The following DLG5 variants were observed in gnomAD, a reference collection of about 807,000 sequenced individuals.
DLG5 encodes discs large MAGUK scaffold protein 5.
Under a neutral mutation model 189.8 loss-of-function variants are expected in DLG5, and 48 were observed. The ratio of observed to expected loss-of-function variants is 0.25; its 90% confidence interval spans 0.20 to 0.32. The LOEUF is 0.32. DLG5 is among the 10% of genes least tolerant of loss of function. The pLI is 1.00. For missense variants in DLG5, 2,160 were observed against 2,544.7 expected (o/e 0.85, Z 3.25); for synonymous variants, 1,016 against 1,054.1 (o/e 0.96, Z 0.70).
chr10:77,920,524 T>G (rs889607357), intron 1 of DLG5, among the ~76,000 whole-genome samples: 1 of 152,170 alleles, frequency 6.6e-6, no homozygotes, highest in Non-Finnish European at 1.5e-5. Flanking sequence ...AAAACCCACA[T>G]AGTGTTGGAA....
intron 27 of DLG5, 111 bp downstream of exon 27, chr10:77,805,554 G>T (rs1307925946): frequency 1.6e-6 from 2 of 1,262,882 alleles, no homozygotes; most frequent in South Asian, 1.5e-5. Flanking sequence ...TCAGACTTGC[G>T]CACAAAAGCA....
intron 26 of DLG5, 44 bp downstream of exon 26, chr10:77,806,714 G>C: frequency 7.0e-7 from 1 of 1,419,474 alleles, no homozygotes; most frequent in South Asian, 1.2e-5. Flanking sequence ...GGTGGCCCTC[G>C]GCGACCCCTG....
chr10:77,812,242 G>A lies in DLG5; in HGVS notation c.4161C>T (p.Gly1387=), dbSNP rs1320643797. Residue 1387 remains glycine, a synonymous_variant, in exon 21 of 32, where the codon GGC becomes GGT. Transcript: ENST00000372391. ...CCAGTAACTGATCCCCATACTCGAG[G>A]CCAGCCTGGTGAGCGATGCTCCCCA... ...VTVGSIAHQA[G]LEYGDQLLEF... is the part of the protein sequence containing the mutation. The A allele has an allele frequency of 1.2e-6, 2 of 1,613,804 alleles. No homozygotes were observed. The highest frequency in any genetic ancestry group is 1.7e-6 in the Non-Finnish European group (2 of 1,179,876).
At chr10:77,881,379 A>T (rs1469910731) in intron 1 of DLG5, among the ~76,000 whole-genome samples, 9 of 152,144 alleles carry the variant, frequency 5.9e-5, no homozygotes, top group Non-Finnish European at 1.2e-4. Flanking sequence ...CAGGCATGCT[A>T]TCTCGTGGCC....
chr10:77,844,228 C>T (rs1197792855), intron 5 of DLG5, among the ~76,000 whole-genome samples: 1 of 152,090 alleles, frequency 6.6e-6, no homozygotes, highest in African/African-American at 2.4e-5. Flanking sequence ...CTCTAATGGG[C>T]CTCCGTGGAG....
intron 1 of DLG5, among the ~76,000 whole-genome samples, chr10:77,902,047 G>A (rs1311031895): frequency 3.9e-5 from 6 of 152,200 alleles, no homozygotes; most frequent in Admixed American, 2.6e-4. Flanking sequence ...CCTCTCACTC[G>A]CTGCCACCGA....
Position 77,883,979 on chromosome 10 carries a change from G to A in DLG5, c.305-14782C>T, listed in dbSNP as rs536342271. On this transcript the variant is annotated intron_variant, in intron 1 of 31. Coordinates refer to ENST00000372391, the MANE Select transcript of DLG5 (RefSeq NM_004747.4). The stretch of plus-strand genomic sequence containing the variant: ...CTCCCAAAGTTCTGGGATTACAGGC[G>A]TGAGCCATCACGCCTGGCCTGAAGT... 1.0e-3 allele frequency among the ~76,000 whole-genome samples: 152 copies of A among 152,316 alleles called. 1 individual carries two copies. The Middle Eastern group carries it at 0.024, about 24-fold the overall frequency.
At chr10:77,914,165 T>C (rs1846298419) in intron 1 of DLG5, among the ~76,000 whole-genome samples, 1 of 152,194 alleles carries the variant, frequency 6.6e-6, no homozygotes, top group Non-Finnish European at 1.5e-5. Flanking sequence ...TCCTTAAAAA[T>C]GTGGGCTTCA....
At chr10:77,869,021 G>C in intron 2 of DLG5, 108 bp downstream of exon 2, 1 of 859,426 alleles carries the variant, frequency 1.2e-6, no homozygotes. Context: ...GATCCTGTGA[G>C]TAATCTGACA....
intron 2 of DLG5, 35 bp downstream of exon 2, chr10:77,869,094 C>G (rs369917197): frequency 1.2e-6 from 2 of 1,600,258 alleles, no homozygotes; most frequent in Non-Finnish European, 1.7e-6. Flanking sequence ...AGACCCCTGG[C>G]CCACCCGGTG....
At chr10:77,910,391 T>A (rs1035639425) in intron 1 of DLG5, among the ~76,000 whole-genome samples, 2 of 152,154 alleles carry the variant, frequency 1.3e-5, no homozygotes, top group Non-Finnish European at 2.9e-5. Flanking sequence ...GATAAAAGAT[T>A]TTTTTCATTG....
At chr10:77,934,363 C>G in the DLG5 span, among the ~76,000 whole-genome samples, 2 of 125,506 alleles carry the variant, frequency 1.6e-5, no homozygotes, top group African/African-American at 6.0e-5. Flanking sequence ...AAGAGTGAAA[C>G]TCCATCTCAA....
intron 5 of DLG5, among the ~76,000 whole-genome samples, chr10:77,851,968 G>A (rs866977666): frequency 9.2e-5 from 14 of 152,220 alleles, no homozygotes; most frequent in African/African-American, 3.4e-4. Context: ...GAGAAGGCAT[G>A]GGGTGGAAGA....
chr10:77,817,856 C>G lies in DLG5; in HGVS notation c.3705G>C (p.Leu1235=). The G allele has an allele frequency of 6.4e-7, 1 of 1,553,174 alleles. No individual in the cohort carries two copies. Among genetic ancestry groups the G allele is most frequent in the South Asian group, 1.2e-5 (1 of 84,132 alleles). Residue 1235 remains leucine (L), a synonymous_variant, in exon 18 of 32, where the codon CTG becomes CTC. Coordinates refer to ENST00000372391, the MANE Select transcript of DLG5 (RefSeq NM_004747.4). ...AGTAGTCGCTGCAGGTCCTGTGGCT[C>G]AGGTCCAGGCTCAGGCGTCCCTGGT... ...VQHQGRLSLD[L]SHRTCSDYSE...
chr10:77,880,084 G>T (rs1845229453), intron 1 of DLG5, among the ~76,000 whole-genome samples: 1 of 152,150 alleles, frequency 6.6e-6, no homozygotes, highest in African/African-American at 2.4e-5. Flanking sequence ...AGGGGCTAAG[G>T]GAAGAGAAGA....
intron 12 of DLG5, 46 bp from the exon 13 acceptor site, chr10:77,829,031 C>T: frequency 6.3e-7 from 1 of 1,584,916 alleles, no homozygotes; most frequent in South Asian, 1.1e-5. Context: ...CCTCGCTGCC[C>T]AGCCCTGGGT....
intron 1 of DLG5, among the ~76,000 whole-genome samples, chr10:77,913,060 C>CA (rs1846268709): frequency 1.3e-5 from 2 of 151,896 alleles, no homozygotes; most frequent in Non-Finnish European, 2.9e-5. Context: ...GTGCAGTTAA[C>CA]AAAAAAGACC....
At chr10:77,887,859 GC>G (rs1845485638) in intron 1 of DLG5, among the ~76,000 whole-genome samples, 1 of 152,220 alleles carries the variant, frequency 6.6e-6, no homozygotes, top group African/African-American at 2.4e-5. Flanking sequence ...AGAGCCACAC[GC>G]CTTTGTGTGT....
intron 17 of DLG5, among the ~76,000 whole-genome samples, chr10:77,818,915 A>G (rs1231988358): frequency 6.6e-6 from 1 of 152,196 alleles, no homozygotes. Context: ...CTCAAAAAAT[A>G]TCTGTCAAAT....
Sources: gnomAD v4.1 joint callset for allele counts (sites outside exome capture counted in the v4.1 genomes callset) on GRCh38, gnomAD v4.1.1 for gene constraint, MANE v1.5 for transcripts, NCBI Gene and HGNC (gene_info 2026-07-23, HGNC 2026-07-21) for gene names.